The following GALNS variants were observed in gnomAD, a reference collection of about 807,000 sequenced individuals.
GALNS encodes N-acetylgalactosamine-6-sulfatase.
Under a neutral mutation model 65.9 loss-of-function variants are expected in GALNS, and 65 were observed. The ratio of observed to expected loss-of-function variants is 0.99; its 90% CI spans 0.81 to 1.21. The LOEUF is 1.21. Ranked by LOEUF, GALNS falls within the 50% of genes most tolerant of loss-of-function variation. GALNS has a pLI of 0.00. For synonymous variants in GALNS, 346 were observed against 288.9 expected (o/e 1.20, Z -2.00); for missense variants, 776 against 700.7 (o/e 1.11, Z -1.21).
chr16:88,829,091 G>A (rs1911223057), intron 9 of GALNS, among the ~76,000 whole-genome samples: 1 of 147,114 alleles, frequency 6.8e-6, no homozygotes, highest in Admixed American at 6.8e-5. Flanking sequence ...ACGTCTCCCA[G>A]AGCTACACAG....
chr16:88,855,360 A>C (rs1029389436), intron 1 of GALNS: 2 of 700,980 alleles, frequency 2.9e-6, no homozygotes, highest in East Asian at 2.7e-5. Context: ...TTCTGAAACA[A>C]AGTATCTACA....
At chr16:88,834,275 G>A (rs1231090882) in intron 8 of GALNS, among the ~76,000 whole-genome samples, 1 of 152,076 alleles carries the variant, frequency 6.6e-6, no homozygotes, top group African/African-American at 2.4e-5. Flanking sequence ...GCAGCACACT[G>A]GGCTGTAGGC....
chr16:88,834,252 GCCC>G (rs770768997), intron 8 of GALNS, among the ~76,000 whole-genome samples: 2 of 152,200 alleles, frequency 1.3e-5, no homozygotes, highest in Non-Finnish European at 1.5e-5. Flanking sequence ...AAACTCTGAA[GCCC>G]CCAATCCCCG....
chr16:88,851,401 G>A (rs916692519), intron 1 of GALNS, among the ~76,000 whole-genome samples: 2 of 152,120 alleles, frequency 1.3e-5, no homozygotes, highest in Non-Finnish European at 2.9e-5. Context: ...TTCCAACATG[G>A]CTGAATAGGA....
At position 88,841,028 on chromosome 16, in the gene GALNS, T is replaced by C; in HGVS notation, c.386A>G (p.Lys129Arg). ...DSEQLLPELL[K>R]KAGYVSKIVG... is the part of the protein sequence containing the mutation. ...AATCTTGCTGACGTAGCCGGCCTTC[T>C]TCAGAAGCTCCGGCAGGAGCTGCTC... The change falls in exon 4 of 14, where the codon AAG becomes AGG. Residue 129 changes from lysine (K) to arginine (R), a missense_variant. Physicochemically the swap from Lys to Arg is conservative, Grantham distance 26. Transcript: ENST00000268695. 6.2e-7 allele frequency: 1 copy of C among 1,613,244 alleles called. No homozygotes were observed. Among genetic ancestry groups the C allele is most frequent in the Non-Finnish European group, 8.5e-7 (1 of 1,179,946 alleles).
At chr16:88,848,488 C>T (rs1038109427) in intron 1 of GALNS, among the ~76,000 whole-genome samples, 2 of 151,734 alleles carry the variant, frequency 1.3e-5, no homozygotes, top group Non-Finnish European at 2.9e-5. Flanking sequence ...AAAAAATTAG[C>T]CAGGCGTGGT....
chr16:88,829,768 AGAG>A (rs1432196627), intron 9 of GALNS, among the ~76,000 whole-genome samples: 1 of 152,138 alleles, frequency 6.6e-6, no homozygotes. Context: ...TGAGTGGGGA[AGAG>A]GAGGATCTGG....
chr16:88,837,283 C>T (rs1408946048), intron 5 of GALNS, among the ~76,000 whole-genome samples: 2 of 152,162 alleles, frequency 1.3e-5, no homozygotes, highest in African/African-American at 2.4e-5. Context: ...ATGTCTGGAG[C>T]ACAGCCGGCC....
chr16:88,855,562 C>A, intron 1 of GALNS: 2 of 693,988 alleles, frequency 2.9e-6, no homozygotes, highest in Non-Finnish European at 5.3e-6. Context: ...AAAGCAGCTG[C>A]CCAGGACTGT....
Position 88,817,545 on chromosome 16 carries a change from G to C in GALNS, c.1482+462C>G, listed in dbSNP as rs796880673. ...TCAACAGTGCCCACCAGCCCACCCGGGACCCACCGGGCAGTGCCGTTCCTG... is the reference window on the plus strand; with the variant it reads ...TCAACAGTGCCCACCAGCCCACCCGCGACCCACCGGGCAGTGCCGTTCCTG... On this transcript the variant is annotated intron_variant, in intron 13 of 13. Transcript: ENST00000268695. 8.1e-6 allele frequency: 8 copies of C among 984,604 alleles called. No homozygotes were observed. The African/African-American group carries it at 1.4e-4, about 17-fold the overall frequency. The allele number at this position is 984,604 out of a possible 1,614,324, so 61.0% of individuals were successfully genotyped here.
At chr16:88,814,735 G>A in intron 13 of GALNS, 1 of 298,640 alleles carries the variant, frequency 3.3e-6, no homozygotes, top group Non-Finnish European at 4.9e-6. Context: ...GTAGCTGCTG[G>A]GATTACAGGC....
intron 12 of GALNS, among the ~76,000 whole-genome samples, chr16:88,820,137 T>G (rs1404890523): frequency 6.8e-6 from 1 of 147,332 alleles, no homozygotes; most frequent in African/African-American, 2.4e-5. Flanking sequence ...CCCCGTCGTC[T>G]TTTTTTCTTT....
intron 1 of GALNS, chr16:88,843,326 T>A: frequency 1.4e-6 from 1 of 721,336 alleles, no homozygotes; most frequent in Non-Finnish European, 2.0e-6. Flanking sequence ...GCAACTCCAC[T>A]CCTAGCTGTA....
chr16:88,823,636 C>T (rs1232709783), intron 11 of GALNS, among the ~76,000 whole-genome samples: 1 of 15,532 alleles, frequency 6.4e-5, no homozygotes, highest in Non-Finnish European at 1.2e-4. Context: ...ATGCCCAGGA[C>T]GGCCCTCGCA....
chr16:88,834,396 C>CA (rs1597565626), intron 8 of GALNS, among the ~76,000 whole-genome samples: 7 of 118,550 alleles, frequency 5.9e-5, no homozygotes, highest in African/African-American at 1.3e-4. Flanking sequence ...GCAGGGCCCC[C>CA]CCGCGTGGTC....
At chr16:88,816,815 A>G (rs1233206943) in intron 13 of GALNS, 1 of 985,438 alleles carries the variant, frequency 1.0e-6, no homozygotes, top group Non-Finnish European at 1.2e-6. Context: ...TCGCCCGCAC[A>G]GCAGGAGCCC....
At position 88,855,738 on chromosome 16, in the gene GALNS, C is replaced by G. The variant is rs556874825; in HGVS notation, c.120+1020G>C. 3.7e-5 allele frequency: 21 copies of G among 565,028 alleles called. No homozygotes were observed. The South Asian group carries it at 4.2e-4, about 11-fold the overall frequency. 35.0% of individuals were successfully genotyped at this position (565,028 alleles called of 1,614,324 possible). On this transcript the variant is annotated intron_variant, in intron 1 of 13. Coordinates refer to ENST00000268695, the MANE Select transcript of GALNS (RefSeq NM_000512.5). ...ATCTGTGTATTTTACACTACCAGCA[C>G]CTTCCAATTCCGACAGCCACGACTG...
chr16:88,828,199 GAAT>G (rs1370344811), intron 9 of GALNS, among the ~76,000 whole-genome samples: 1 of 130,232 alleles, frequency 7.7e-6, no homozygotes, highest in East Asian at 2.3e-4. Context: ...TTAAAGGACA[GAAT>G]AATAAAGGAA....
chr16:88,840,262 G>A (rs1263856998), intron 4 of GALNS: 1 of 154,388 alleles, frequency 6.5e-6, no homozygotes, highest in Non-Finnish European at 1.4e-5. Context: ...TCCATCTGAA[G>A]GGGACCGGCA....
Sources: allele counts gnomAD v4.1 joint callset (sites outside exome capture counted in the v4.1 genomes callset), GRCh38; gene constraint gnomAD v4.1.1; transcripts MANE v1.5; gene names NCBI Gene and HGNC (gene_info 2026-07-23, HGNC 2026-07-21).